The following NTRK3 variants were observed in gnomAD, a reference collection of about 807,000 sequenced individuals.
NTRK3 encodes the protein neurotrophic receptor tyrosine kinase 3.
In NTRK3, 24 loss-of-function variants were observed where a neutral mutation model predicts 91.7. The ratio of observed to expected loss-of-function variants is 0.26; its 90% confidence interval spans 0.19 to 0.37. NTRK3 has a LOEUF of 0.37. Among genes scored for constraint, NTRK3 ranks in the 10% least tolerant of loss-of-function variants. NTRK3 has a pLI of 1.00. For missense variants in NTRK3, 880 were observed against 1,068.9 expected (o/e 0.82, Z 2.46); for synonymous variants, 483 against 404.0 (o/e 1.20, Z -2.34).
chr15:88,166,328 G>A (rs1362913213), intron 5 of NTRK3, among the ~76,000 whole-genome samples: 1 of 152,224 alleles, frequency 6.6e-6, no homozygotes, highest in Non-Finnish European at 1.5e-5. Context: ...ATCCCAGCAG[G>A]AGGGCTGGCA....
chr15:87,910,695 G>A (rs2067040491), intron 17 of NTRK3, among the ~76,000 whole-genome samples: 1 of 152,070 alleles, frequency 6.6e-6, no homozygotes, highest in Admixed American at 6.6e-5. Context: ...AAAATGAGAG[G>A]AAGGAGAGAA....
intron 13 of NTRK3, among the ~76,000 whole-genome samples, chr15:88,115,933 C>T (rs2052014705): frequency 6.6e-6 from 1 of 151,996 alleles, no homozygotes; most frequent in South Asian, 2.1e-4. Context: ...TTTTTATAGC[C>T]CTCAACATTT....
chr15:88,090,630 C>A (rs542060182), intron 13 of NTRK3, among the ~76,000 whole-genome samples: 19 of 152,246 alleles, frequency 1.2e-4, no homozygotes, highest in Admixed American at 3.9e-4. Context: ...CCTGGGGTGT[C>A]ATGTCAAACA....
chr15:88,212,700 T>TCACACA lies in NTRK3; in HGVS notation c.249-28407_249-28402dup, dbSNP rs60620542. ...CATGGAAGCTGTTTTGGCTGCTGCATCACACACACACACACACACACACAC... is the reference window on the plus strand; with the variant it reads ...CATGGAAGCTGTTTTGGCTGCTGCATCACACACACACACACACACACACACACACAC... On this transcript the variant is annotated intron_variant, in intron 3 of 18. Coordinates refer to ENST00000394480, the Ensembl canonical transcript of NTRK3. Among the ~76,000 whole-genome samples the TCACACA allele has an allele frequency of 2.6e-3, 384 of 146,124 alleles. 3 individuals are homozygous for TCACACA. Among genetic ancestry groups the TCACACA allele is most frequent in the African/African-American group, 6.5e-3 (250 of 38,208 alleles).
chr15:88,076,598 G>T (rs1317655966), intron 13 of NTRK3, among the ~76,000 whole-genome samples: 1 of 144,022 alleles, frequency 6.9e-6, no homozygotes, highest in Admixed American at 7.2e-5. Flanking sequence ...GATACAAGAA[G>T]AAAATAGACA....
rs181025064 is a variant in NTRK3 at position 88,237,940 on chromosome 15, G to A, written c.248+17966C>T. On this transcript the variant is annotated intron_variant, in intron 3 of 18. Transcript: ENST00000394480. The surrounding 1 kb of genome is among the most constrained non-coding windows in gnomAD (Gnocchi z 4.0). ...TTGAAGTCCTAACCCCCAGTACCTCGGAATGTAACTGTATTTGGAGATAGG... is the reference window on the plus strand; with the variant it reads ...TTGAAGTCCTAACCCCCAGTACCTCAGAATGTAACTGTATTTGGAGATAGG... Among the ~76,000 whole-genome samples the A allele has an allele frequency of 1.9e-4, 29 of 152,180 alleles. No individual in the cohort carries two copies. The highest frequency in any genetic ancestry group is 6.2e-4 in the South Asian group (3 of 4,814).
At chr15:88,113,723 C>T (rs1407322374) in intron 13 of NTRK3, among the ~76,000 whole-genome samples, 1 of 152,180 alleles carries the variant, frequency 6.6e-6, no homozygotes, top group East Asian at 1.9e-4. Context: ...TATTGGAACA[C>T]AGCCATGCTC....
chr15:88,027,852 G>A (rs981742277), intron 14 of NTRK3, among the ~76,000 whole-genome samples: 3 of 152,130 alleles, frequency 2.0e-5, no homozygotes, highest in Admixed American at 1.3e-4. Flanking sequence ...TTTGAGAAAC[G>A]GCAGGCTGAC....
chr15:88,018,868 T>C (rs996676267), intron 14 of NTRK3, among the ~76,000 whole-genome samples: 2 of 152,128 alleles, frequency 1.3e-5, no homozygotes, highest in Non-Finnish European at 2.9e-5. Context: ...AGCCTGGCCC[T>C]TGGTAAGTAT....
At chr15:87,972,119 G>A (rs528056576) in intron 14 of NTRK3, among the ~76,000 whole-genome samples, 120 of 152,238 alleles carry the variant, frequency 7.9e-4, no homozygotes, top group Non-Finnish European at 1.2e-3. Flanking sequence ...TGAACTTGAG[G>A]GCAAGGGAGG....
chr15:88,095,991 C>T (rs1000823151), intron 13 of NTRK3, among the ~76,000 whole-genome samples: 1 of 152,182 alleles, frequency 6.6e-6, no homozygotes, highest in African/African-American at 2.4e-5. Context: ...CATTCCCTAA[C>T]AGCGATTTGA....
At chr15:87,910,114 AG>A (rs1219051757) in intron 17 of NTRK3, among the ~76,000 whole-genome samples, 2 of 152,192 alleles carry the variant, frequency 1.3e-5, no homozygotes, top group Non-Finnish European at 2.9e-5. Context: ...GGAGACTGGC[AG>A]GGGCTTCAGG....
chr15:88,141,587 G>C (rs1252426900), intron 6 of NTRK3, among the ~76,000 whole-genome samples: 1 of 152,232 alleles, frequency 6.6e-6, no homozygotes, highest in African/African-American at 2.4e-5. Context: ...TCATTATTAA[G>C]TAGGTGTAAA....
chr15:88,015,644 C>A (rs2077182803), intron 14 of NTRK3, among the ~76,000 whole-genome samples: 1 of 152,182 alleles, frequency 6.6e-6, no homozygotes, highest in Non-Finnish European at 1.5e-5. Flanking sequence ...AGAACTGTTT[C>A]CTGGCCTGTC....
At chr15:87,921,881 T>TAA (rs201850075) in intron 17 of NTRK3, among the ~76,000 whole-genome samples, 7 of 143,188 alleles carry the variant, frequency 4.9e-5, no homozygotes, top group African/African-American at 1.8e-4. Flanking sequence ...GACTTGGTAT[T>TAA]AAAAAAAAAA....
chr15:88,153,980 A>T (rs1432000163), intron 5 of NTRK3, among the ~76,000 whole-genome samples: 2 of 151,964 alleles, frequency 1.3e-5, no homozygotes, highest in African/African-American at 4.8e-5. Context: ...CTCATGACAC[A>T]CCATACCAGG....
chr15:88,004,416 G>T (rs914085975), intron 14 of NTRK3, among the ~76,000 whole-genome samples: 2 of 152,158 alleles, frequency 1.3e-5, no homozygotes, highest in Admixed American at 1.3e-4. Context: ...AAGAAAAGGG[G>T]AATGTTTTTC....
chr15:88,011,229 C>T (rs1404762087), intron 14 of NTRK3, among the ~76,000 whole-genome samples: 1 of 152,142 alleles, frequency 6.6e-6, no homozygotes, highest in Non-Finnish European at 1.5e-5. Flanking sequence ...CTGTTGTTCC[C>T]TCCACCAGGT....
chr15:88,058,033 C>T (rs1241795550), intron 13 of NTRK3, among the ~76,000 whole-genome samples: 1 of 152,234 alleles, frequency 6.6e-6, no homozygotes, highest in Non-Finnish European at 1.5e-5. Context: ...CACGGGGTGA[C>T]AAAGCTCGCT....
Sources: allele counts gnomAD v4.1 joint callset (sites outside exome capture counted in the v4.1 genomes callset), GRCh38; gene constraint gnomAD v4.1.1; non-coding constraint Gnocchi (gnomAD v3.1); transcripts MANE v1.5; gene names NCBI Gene and HGNC (gene_info 2026-07-23, HGNC 2026-07-21).